Variants in SCN8A observed in about 807,000 individuals in gnomAD.
SCN8A encodes sodium voltage-gated channel alpha subunit 8, also known as sodium channel protein type 8 subunit alpha.
SCN8A carries 30 observed loss-of-function variants against 184.1 expected under a neutral mutation model. The observed-to-expected ratio is 0.16, with a 90% CI of 0.12 to 0.22. The LOEUF is 0.22. Ranked by LOEUF, SCN8A falls within the 10% of genes least tolerant of loss-of-function variation. The pLI, the probability that SCN8A is intolerant of heterozygous loss-of-function variation, is 1.00. For missense variants in SCN8A, 1,057 were observed against 2,498.9 expected, an observed-to-expected ratio of 0.42 and a Z score of 12.30; for synonymous variants, 852 against 907.0, an observed-to-expected ratio of 0.94 and a Z score of 1.09.
chr12:51,594,481 T>G (rs1939300971), intron 1 of SCN8A, among the ~76,000 whole-genome samples: 1 of 152,084 alleles, frequency 6.6e-6, no homozygotes, highest in Non-Finnish European at 1.5e-5. Flanking sequence ...GAAAGAAAAA[T>G]AATTATCTTT....
rs528057583 is a variant in SCN8A, at chr12:51,612,720, A to C, written c.-55+21361A>C. 7.9e-4 allele frequency among the ~76,000 whole-genome samples: 120 copies of C among 151,922 alleles called. 1 individual carries two copies. Among genetic ancestry groups the C allele is most frequent in the African/African-American group, 2.8e-3 (115 of 41,422 alleles). ...GTATTCTCCTATATTGTTGGATATG[A>C]TTTGCTAATATTTTTTTTGAGATGG... On this transcript the variant is annotated intron_variant, in intron 1 of 26. Transcript: ENST00000627620.
chr12:51,639,546 G>A (rs1565869392), intron 1 of SCN8A, among the ~76,000 whole-genome samples: 1 of 149,770 alleles, frequency 6.7e-6, no homozygotes. Context: ...TGCCAAGTAG[G>A]TGGGACTATG....
chr12:51,742,628 C>A (rs182160710), intron 12 of SCN8A, among the ~76,000 whole-genome samples: 120 of 146,412 alleles, frequency 8.2e-4, no homozygotes, highest in African/African-American at 2.9e-3. Context: ...AGGATCCTTT[C>A]TTTATCCTTG....
chr12:51,766,046 A>G lies in SCN8A; in HGVS notation c.2901+19A>G, dbSNP rs1401378578. 1.2e-6 allele frequency: 2 copies of G among 1,603,144 alleles called. No homozygotes were observed. The highest frequency in any genetic ancestry group is 8.5e-7 in the Non-Finnish European group (1 of 1,170,250). ...CTTGGTGGTTAGTACTAATTTGTAGATATTTTTGTTCTACACCCTGAATAT... is the reference window on the plus strand; with the variant it reads ...CTTGGTGGTTAGTACTAATTTGTAGGTATTTTTGTTCTACACCCTGAATAT... On this transcript the variant is annotated intron_variant, in intron 16 of 26. Coordinates refer to ENST00000627620, the MANE Select transcript of SCN8A (RefSeq NM_001330260.2).
chr12:51,752,106 C>T (rs1942604629), intron 14 of SCN8A, among the ~76,000 whole-genome samples: 1 of 152,046 alleles, frequency 6.6e-6, no homozygotes, highest in South Asian at 2.1e-4. Context: ...TTTCCCCCTC[C>T]AATCCAACTT....
At chr12:51,721,964 C>T (rs1202125558) in intron 12 of SCN8A, 56 bp downstream of exon 12, 2 of 1,599,090 alleles carry the variant, frequency 1.3e-6, no homozygotes, top group Non-Finnish European at 8.5e-7. Flanking sequence ...ACAAATAGAT[C>T]GAGGCTAGGC....
chr12:51,658,380 T>C (rs1046552780), intron 1 of SCN8A, among the ~76,000 whole-genome samples: 35 of 152,120 alleles, frequency 2.3e-4, no homozygotes, highest in African/African-American at 7.5e-4. Context: ...GCTATTATAA[T>C]TGGGATTGCT....
At chr12:51,793,567 A>T (rs1245455225) in intron 25 of SCN8A, among the ~76,000 whole-genome samples, 1 of 152,182 alleles carries the variant, frequency 6.6e-6, no homozygotes, top group Non-Finnish European at 1.5e-5. Flanking sequence ...ATAGAGCAAA[A>T]ATTTAGAGAA....
intron 1 of SCN8A, among the ~76,000 whole-genome samples, chr12:51,611,541 A>G (rs1939720888): frequency 6.6e-6 from 1 of 151,974 alleles, no homozygotes; most frequent in African/African-American, 2.4e-5. Flanking sequence ...CTTGTTGCCC[A>G]GTCTGGAGTG....
In SCN8A at chr12:51,746,047, A is replaced by C; in HGVS notation, c.2131+12A>C. On this transcript the variant is annotated intron_variant, in intron 13 of 26. Coordinates refer to ENST00000627620, the MANE Select transcript of SCN8A (RefSeq NM_001330260.2). ...TACACTAGTAGAAGGTATGTGCCCTATAATGTCAGTCCAACCGCTGAGATA... is the reference window on the plus strand; with the variant it reads ...TACACTAGTAGAAGGTATGTGCCCTCTAATGTCAGTCCAACCGCTGAGATA... The C allele has an allele frequency of 1.9e-6, 3 of 1,582,104 alleles. No homozygotes were observed. Among genetic ancestry groups the C allele is most frequent in the Non-Finnish European group, 2.6e-6 (3 of 1,165,568 alleles).
chr12:51,804,071 G>A (rs1474585389), intron 26 of SCN8A, among the ~76,000 whole-genome samples: 5 of 152,184 alleles, frequency 3.3e-5, no homozygotes, highest in African/African-American at 7.2e-5. Context: ...GGTACTGAAC[G>A]AAGAGAACAT....
At chr12:51,614,768 T>C (rs61476173) in intron 1 of SCN8A, among the ~76,000 whole-genome samples, 1 of 145,484 alleles carries the variant, frequency 6.9e-6, no homozygotes, top group Admixed American at 7.2e-5. Context: ...TTCTGGTAGA[T>C]AGCATACTGT....
chr12:51,738,626 A>G (rs1942366628), intron 12 of SCN8A, among the ~76,000 whole-genome samples: 1 of 152,188 alleles, frequency 6.6e-6, no homozygotes, highest in African/African-American at 2.4e-5. Context: ...ATTCCCACAT[A>G]TGGCACAATC....
intron 20 of SCN8A, chr12:51,780,099 A>G (rs1363054168): frequency 3.2e-6 from 1 of 316,904 alleles, no homozygotes; most frequent in Non-Finnish European, 6.6e-6. Flanking sequence ...TTTGTCAACC[A>G]GGAGTAAAAG....
chr12:51,668,443 C>T (rs1941074471), intron 2 of SCN8A, among the ~76,000 whole-genome samples: 1 of 152,154 alleles, frequency 6.6e-6, no homozygotes, highest in South Asian at 2.1e-4. Flanking sequence ...TTTATTACAA[C>T]ATATTTCTAG....
At chr12:51,603,455 A>G (rs1939513947) in intron 1 of SCN8A, among the ~76,000 whole-genome samples, 1 of 152,218 alleles carries the variant, frequency 6.6e-6, no homozygotes, top group Non-Finnish European at 1.5e-5. Flanking sequence ...CATTTGGAAT[A>G]TGTCCAGTTT....
intron 1 of SCN8A, among the ~76,000 whole-genome samples, chr12:51,653,100 A>G (rs1158980068): frequency 6.6e-6 from 1 of 152,168 alleles, no homozygotes; most frequent in Non-Finnish European, 1.5e-5. Context: ...TGAGTGGATC[A>G]TCTGAGGTCA....
At chr12:51,607,461 A>G (rs968251815) in intron 1 of SCN8A, among the ~76,000 whole-genome samples, 4 of 152,060 alleles carry the variant, frequency 2.6e-5, no homozygotes, top group East Asian at 1.9e-4. Flanking sequence ...TTCCAGTACT[A>G]TGTTGAAGAC....
intron 1 of SCN8A, among the ~76,000 whole-genome samples, chr12:51,632,132 C>T (rs1940209214): frequency 6.6e-6 from 1 of 152,202 alleles, no homozygotes; most frequent in Non-Finnish European, 1.5e-5. Context: ...GTTCAAGGAA[C>T]TTACCATAGC....
Sources: gnomAD v4.1 joint callset for allele counts (sites outside exome capture counted in the v4.1 genomes callset) on GRCh38, gnomAD v4.1.1 for gene constraint, MANE v1.5 for transcripts, NCBI Gene and HGNC (gene_info 2026-07-23, HGNC 2026-07-21) for gene names.